The following CTNNA2 variants were observed in gnomAD, a reference collection of about 807,000 sequenced individuals.
CTNNA2 encodes the protein catenin alpha-2.
A neutral mutation model predicts 101.0 loss-of-function variants in CTNNA2; 42 were observed. The ratio of observed to expected loss-of-function variants is 0.42; its 90% CI spans 0.32 to 0.54. The LOEUF (loss-of-function observed/expected upper bound fraction) is 0.54, where lower values mean the gene tolerates loss of function less well. Ranked by LOEUF, CTNNA2 falls within the 20% of genes least tolerant of loss-of-function variation. The probability of loss-of-function intolerance (pLI) is 0.14; values close to 1 mark genes in which losing one functional copy is unlikely to be tolerated. For missense variants in CTNNA2, 871 were observed against 1,223.1 expected, an observed-to-expected ratio of 0.71 and a Z score of 4.29; for synonymous variants, 450 against 456.4, an observed-to-expected ratio of 0.99 and a Z score of 0.18.
At chr2:80,092,532 T>C (rs1699851555) in intron 7 of CTNNA2, among the ~76,000 whole-genome samples, 2 of 152,066 alleles carry the variant, frequency 1.3e-5, no homozygotes, top group South Asian at 4.1e-4. Flanking sequence ...CAAGGTGTGT[T>C]GACAATTCCT....
intron 3 of CTNNA2, among the ~76,000 whole-genome samples, chr2:79,815,580 G>T (rs987179293): frequency 3.3e-5 from 5 of 152,056 alleles, no homozygotes; most frequent in Non-Finnish European, 5.9e-5. Flanking sequence ...TATGTATTGG[G>T]TTTATTTCTG....
intron 11 of CTNNA2, among the ~76,000 whole-genome samples, chr2:80,548,793 A>T (rs568063529): frequency 6.6e-6 from 1 of 152,284 alleles, no homozygotes; most frequent in East Asian, 1.9e-4. Flanking sequence ...AGCTAGGGAA[A>T]CTACTTCTCA....
intron 2 of CTNNA2, among the ~76,000 whole-genome samples, chr2:79,232,261 C>T (rs1674502399): frequency 1.3e-5 from 2 of 152,160 alleles, no homozygotes; most frequent in East Asian, 3.9e-4. Context: ...GGATTTTTAT[C>T]ATGAAGAATG....
intron 5 of CTNNA2, among the ~76,000 whole-genome samples, chr2:79,872,406 C>A (rs980328734): frequency 3.3e-5 from 5 of 151,920 alleles, no homozygotes; most frequent in Non-Finnish European, 7.4e-5. Flanking sequence ...AGTATAGATA[C>A]CCAGGAATGG....
chr2:79,947,309 A>T (rs1429165077), intron 7 of CTNNA2, among the ~76,000 whole-genome samples: 1 of 152,172 alleles, frequency 6.6e-6, no homozygotes, highest in African/African-American at 2.4e-5. Context: ...TAACACATAG[A>T]TGGGTCAAAT....
At chr2:79,190,431 C>T (rs906482794) in intron 1 of CTNNA2, among the ~76,000 whole-genome samples, 2 of 152,060 alleles carry the variant, frequency 1.3e-5, no homozygotes, top group Non-Finnish European at 2.9e-5. Flanking sequence ...GTAATAACCA[C>T]TTTCTACTTG....
chr2:80,634,619 C>T (rs1672670841), intron 18 of CTNNA2, among the ~76,000 whole-genome samples: 2 of 151,978 alleles, frequency 1.3e-5, no homozygotes, highest in South Asian at 2.1e-4. Flanking sequence ...GTAACAGGAT[C>T]GTTCTCGCTT....
At chr2:80,297,750 G>T (rs552751367) in intron 7 of CTNNA2, among the ~76,000 whole-genome samples, 1 of 152,222 alleles carries the variant, frequency 6.6e-6, no homozygotes, top group Admixed American at 6.5e-5. Flanking sequence ...GTTACACTCT[G>T]CTGTGGCATA....
At chr2:79,510,036 T>C (rs1460388469), upstream of CTNNA2, among the ~76,000 whole-genome samples, 1 of 152,134 alleles carries the variant, frequency 6.6e-6, no homozygotes, top group African/African-American at 2.4e-5. Flanking sequence ...GAATAAGCAA[T>C]ACAGAAAATT....
intron 6 of CTNNA2, among the ~76,000 whole-genome samples, chr2:79,874,749 G>A (rs1484558966): frequency 9.2e-5 from 14 of 152,110 alleles, no homozygotes; most frequent in Admixed American, 3.9e-4. Context: ...CGGAGATTGC[G>A]GTGAGCCGAG....
chr2:80,568,996 G>C (rs944000723), intron 12 of CTNNA2, among the ~76,000 whole-genome samples: 1 of 152,106 alleles, frequency 6.6e-6, no homozygotes, highest in African/African-American at 2.4e-5. Context: ...CAGGGGTAAG[G>C]ACCTTTTATA....
chr2:79,858,101 T>G lies in CTNNA2; in HGVS notation c.387T>G (p.Ala129=), dbSNP rs1219658684. The part of the protein sequence containing the change: ...KRGTMVRAAR[A]LLSAVTRLLI... The stretch of plus-strand genomic sequence containing the variant: ...GCACCATGGTACGGGCGGCAAGGGC[T>G]TTGCTCTCCGCGGTGACACGCTTAC... Residue 129 remains alanine, a synonymous_variant, in exon 4 of 19, where the codon GCT becomes GCG. Transcript: ENST00000402739. The G allele has an allele frequency of 6.2e-7, 1 of 1,614,024 alleles. No individual in the cohort carries two copies. Among genetic ancestry groups the G allele is most frequent in the Non-Finnish European group, 8.5e-7 (1 of 1,180,012 alleles).
intron 3 of CTNNA2, among the ~76,000 whole-genome samples, chr2:79,835,793 C>T (rs577556917): frequency 2.1e-5 from 3 of 142,218 alleles, no homozygotes; most frequent in African/African-American, 7.7e-5. Flanking sequence ...CCACCATACC[C>T]AGCTAATTTT....
At chr2:80,521,485 C>G (rs1258064545) in intron 9 of CTNNA2, among the ~76,000 whole-genome samples, 1 of 152,186 alleles carries the variant, frequency 6.6e-6, no homozygotes, top group African/African-American at 2.4e-5. Flanking sequence ...TTAAGATTTA[C>G]TAATCAGCTG....
At chr2:80,396,295 CA>C (rs924325399) in intron 8 of CTNNA2, among the ~76,000 whole-genome samples, 2 of 152,170 alleles carry the variant, frequency 1.3e-5, no homozygotes, top group African/African-American at 4.8e-5. Context: ...AAACCCATGA[CA>C]GGGGGCAGTG....
chr2:80,300,276 G>A (rs1354552507), intron 7 of CTNNA2, among the ~76,000 whole-genome samples: 2 of 126,982 alleles, frequency 1.6e-5, no homozygotes, highest in African/African-American at 3.0e-5. Flanking sequence ...GAGCTGGGGT[G>A]TTGGGGTGTG....
intron 3 of CTNNA2, among the ~76,000 whole-genome samples, chr2:79,358,681 C>G (rs535628070): frequency 6.6e-6 from 1 of 152,242 alleles, no homozygotes; most frequent in South Asian, 2.1e-4. Flanking sequence ...TTCAAGAAAC[C>G]AAAGCAGCAG....
At chr2:79,986,523 C>T (rs1691774572) in intron 7 of CTNNA2, among the ~76,000 whole-genome samples, 1 of 152,110 alleles carries the variant, frequency 6.6e-6, no homozygotes, top group Non-Finnish European at 1.5e-5. Flanking sequence ...TATAATGCTG[C>T]ACTTTTCGTT....
intron 2 of CTNNA2, among the ~76,000 whole-genome samples, chr2:79,741,364 A>G (rs374253248): frequency 1.3e-5 from 2 of 152,166 alleles, no homozygotes; most frequent in East Asian, 1.9e-4. Context: ...TTTTAAGTTT[A>G]CAGTAAAAAG....
Sources: gnomAD v4.1 joint callset for allele counts (sites outside exome capture counted in the v4.1 genomes callset) on GRCh38, gnomAD v4.1.1 for gene constraint, MANE v1.5 for transcripts, NCBI Gene and HGNC (gene_info 2026-07-23, HGNC 2026-07-21) for gene names.